The following APOH variants were observed in gnomAD, a reference collection of about 807,000 sequenced individuals.
APOH encodes the protein apolipoprotein H, also known as beta-2-glycoprotein 1.
APOH carries 48 observed loss-of-function variants against 39.8 expected under a neutral mutation model. The ratio of observed to expected loss-of-function variants is 1.21; its 90% confidence interval spans 0.96 to 1.54. The LOEUF (loss-of-function observed/expected upper bound fraction) is 1.54. Among genes scored for constraint, APOH ranks in the 40% most tolerant of loss-of-function variants. The pLI, the probability that APOH is intolerant of heterozygous loss-of-function variation, is 0.00. For missense variants in APOH, 415 were observed against 421.2 expected (o/e 0.99, Z 0.13); for synonymous variants, 153 against 151.1 (o/e 1.01, Z -0.09).
At chr17:66,214,775 G>T in intron 6 of APOH, 125 bp from the exon 7 acceptor site, 1 of 742,776 alleles carries the variant, frequency 1.3e-6, no homozygotes, top group Non-Finnish European at 2.3e-6. Flanking sequence ...AAAAATCCAA[G>T]AATATATATA....
In APOH at chr17:66,220,655, T is replaced by C. The variant is rs1349658031; in HGVS notation, c.503A>G (p.Asp168Gly). 1.9e-6 allele frequency: 3 copies of C among 1,614,208 alleles called. No individual in the cohort carries two copies. In the East Asian group the frequency reaches 6.7e-5, roughly 36 times the overall value. The change falls in exon 5 of 8, where the codon GAC becomes GGC. Residue 168 changes from aspartate (D) to glycine (G), a missense_variant. Asp to Gly is a moderately conservative substitution (Grantham distance 94). This residue lies in a region of APOH where 288 missense variants were observed against 284.9 expected (regional missense o/e 1.01). Coordinates refer to ENST00000205948, the MANE Select transcript of APOH (RefSeq NM_000042.3). ...TGGCAAACATTCAAAAACTGCTGTG[T>C]CCCGATAGAGGGAATTGTTTCCAGC... Reference protein sequence around the residue: ...PSAGNNSLYRDTAVFECLPQH... With the variant: ...PSAGNNSLYRGTAVFECLPQH...
intron 4 of APOH, among the ~76,000 whole-genome samples, chr17:66,221,266 AAAGGAAGGAAGGAAGG>A (rs369169198): frequency 8.3e-6 from 1 of 120,468 alleles, no homozygotes; most frequent in Non-Finnish European, 1.7e-5. Context: ...AGAGAGAAAG[AAAGGAAGGAAGGAAGG>A]AAGGAAGGAA....
intron 6 of APOH, 146 bp from the exon 7 acceptor site, chr17:66,214,796 G>A: frequency 1.5e-6 from 1 of 661,414 alleles, no homozygotes; most frequent in East Asian, 2.7e-5. Flanking sequence ...GTAAGTAATG[G>A]TAATATGATT....
intron 3 of APOH, among the ~76,000 whole-genome samples, chr17:66,224,550 GAAAGA>G (rs1427050854): frequency 3.2e-5 from 4 of 125,868 alleles, no homozygotes; most frequent in Non-Finnish European, 4.9e-5. Context: ...GACAAAGAAA[GAAAGA>G]AAAGAAAAGA....
At chr17:66,221,565 G>A (rs2098557232) in intron 4 of APOH, among the ~76,000 whole-genome samples, 1 of 152,152 alleles carries the variant, frequency 6.6e-6, no homozygotes, top group Non-Finnish European at 1.5e-5. Context: ...CTTGGAAGAT[G>A]CTTCTGGAAG....
chr17:66,220,229 A>G (rs2073388958), intron 5 of APOH, among the ~76,000 whole-genome samples: 1 of 152,044 alleles, frequency 6.6e-6, no homozygotes, highest in Non-Finnish European at 1.5e-5. Flanking sequence ...CCTGCCTTTC[A>G]TGTCTCCCCC....
At chr17:66,223,413 T>C (rs1407282148) in intron 4 of APOH, among the ~76,000 whole-genome samples, 1 of 152,224 alleles carries the variant, frequency 6.6e-6, no homozygotes, top group Non-Finnish European at 1.5e-5. Flanking sequence ...TCCAAAGCAC[T>C]ATGAGAGCAT....
Position 66,212,052 on chromosome 17 carries a change from G to T in APOH, c.*81C>A. ...AATGGGTGCGGCAATAAATTCAGTA[G>T]CTTTATTTTTAAATTTCAATTAGGT... On this transcript the variant is annotated 3_prime_UTR_variant, in exon 8 of 8. Coordinates refer to ENST00000205948, the MANE Select transcript of APOH (RefSeq NM_000042.3). The T allele has an allele frequency of 8.2e-7, 1 of 1,221,294 alleles. No homozygotes were observed. Among genetic ancestry groups the T allele is most frequent in the African/African-American group, 1.5e-5 (1 of 65,964 alleles). The allele number at this position is 1,221,294 out of a possible 1,614,324, so 75.7% of individuals were successfully genotyped here. A position where few individuals can be genotyped will look rare whatever the true frequency, so the allele number is the denominator to read the frequency against.
At chr17:66,227,948 AG>A in intron 2 of APOH, 71 bp downstream of exon 2, 1 of 1,505,878 alleles carries the variant, frequency 6.6e-7, no homozygotes, top group Non-Finnish European at 9.1e-7. Flanking sequence ...GAGCATGACG[AG>A]GTAGCTTATT....
intron 2 of APOH, 150 bp downstream of exon 2, chr17:66,227,870 A>T (rs1481791225): frequency 1.4e-6 from 1 of 711,346 alleles, no homozygotes. Context: ...CACAGAGAGA[A>T]CTCCCCAAGA....
chr17:66,214,629 T>C lies in APOH; in HGVS notation c.806A>G (p.Lys269Arg), dbSNP rs1212019422. The C allele has an allele frequency of 7.4e-6, 12 of 1,613,128 alleles. No individual in the cohort carries two copies. Among genetic ancestry groups the C allele is most frequent in the Non-Finnish European group, 1.0e-5 (12 of 1,179,732 alleles). The part of the protein sequence containing the change: ...SCKASCKVPV[K>R]KATVVYQGER... Reference sequence around the variant, plus strand: ...TCCTTGGTACACCACAGTGGCTTTTTTCACAGGTACTTTACAAGATGCTGA... The same window carrying C: ...TCCTTGGTACACCACAGTGGCTTTTCTCACAGGTACTTTACAAGATGCTGA... Residue 269 changes from lysine to arginine, a missense_variant, in exon 7 of 8, where the codon AAA becomes AGA. Around this residue, in one of 3 missense-constraint regions of APOH, gnomAD observed 120 missense variants for 110.6 expected, o/e 1.08. Transcript: ENST00000205948.
At chr17:66,224,492 GA>G (rs894031410) in intron 3 of APOH, among the ~76,000 whole-genome samples, 8 of 76,584 alleles carry the variant, frequency 1.0e-4, no homozygotes, top group Non-Finnish European at 5.1e-5. Flanking sequence ...AAAAAAAAAA[GA>G]AAAGAAAAGA....
intron 7 of APOH, 62 bp from the exon 8 acceptor site, chr17:66,212,250 T>G: frequency 2.8e-6 from 4 of 1,423,030 alleles, no homozygotes; most frequent in Non-Finnish European, 3.0e-6. Context: ...ATGTGGTAAA[T>G]AGCTAAGCCA....
chr17:66,219,024 A>AATT (rs1567739269), intron 5 of APOH, among the ~76,000 whole-genome samples: 1 of 151,818 alleles, frequency 6.6e-6, no homozygotes, highest in African/African-American at 2.4e-5. Context: ...TAATAATAAT[A>AATT]ATTATTATTA....
At chr17:66,218,976 C>CTCCAG (rs766800908) in intron 5 of APOH, among the ~76,000 whole-genome samples, 3 of 152,050 alleles carry the variant, frequency 2.0e-5, no homozygotes, top group Non-Finnish European at 4.4e-5. Context: ...CACCACTGCA[C>CTCCAG]TCCAGCCTGG....
At chr17:66,228,967 G>A (rs2147000887) in intron 1 of APOH, among the ~76,000 whole-genome samples, 1 of 151,828 alleles carries the variant, frequency 6.6e-6, no homozygotes, top group African/African-American at 2.4e-5. Context: ...CGAGTGGCTG[G>A]GATTACAGGC....
At chr17:66,221,262 A>AGAAAGGAAGG (rs1491506603) in intron 4 of APOH, among the ~76,000 whole-genome samples, 3 of 111,634 alleles carry the variant, frequency 2.7e-5, no homozygotes, top group Non-Finnish European at 4.0e-5. Context: ...AGAGAGAGAG[A>AGAAAGGAAGG]AAGAAAGGAA....
chr17:66,213,676 G>T lies in APOH; in HGVS notation c.982+777C>A, dbSNP rs145493282. 1.1e-4 allele frequency among the ~76,000 whole-genome samples: 16 copies of T among 152,320 alleles called. No homozygotes were observed. The East Asian group carries it at 3.1e-3, about 29-fold the overall frequency. On this transcript the variant is annotated intron_variant, in intron 7 of 7. Coordinates refer to ENST00000205948, the MANE Select transcript of APOH (RefSeq NM_000042.3). ...AAAAGAGGCTGGGCGCGTAGCTCAT[G>T]CCTGTAATCCTGGCACTTTGGGAGA...
Position 66,212,074 on chromosome 17 carries a change from AG to A in APOH, c.*58del. On this transcript the variant is annotated 3_prime_UTR_variant, in exon 8 of 8. Transcript: ENST00000205948. ...GTAGCTTTATTTTTAAATTTCAATT[AG>A]GTTCCTTGGATGAACAAGAAACAAG... The A allele has an allele frequency of 7.1e-7, 1 of 1,404,598 alleles. No homozygotes were observed. Among genetic ancestry groups the A allele is most frequent in the Admixed American group, 1.7e-5 (1 of 58,766 alleles). 87.0% of individuals were successfully genotyped at this position (1,404,598 alleles called of 1,614,324 possible).
Sources: allele counts gnomAD v4.1 joint callset (sites outside exome capture counted in the v4.1 genomes callset), GRCh38; gene constraint gnomAD v4.1.1; regional missense constraint gnomAD v4.1.1; transcripts MANE v1.5; gene names NCBI Gene and HGNC (gene_info 2026-07-23, HGNC 2026-07-21).